Variants in CNTN4 observed in about 807,000 individuals in gnomAD.
CNTN4 encodes contactin 4.
CNTN4 carries 77 observed loss-of-function variants against 122.5 expected under a neutral mutation model. The ratio of observed to expected loss-of-function variants is 0.63; its 90% CI spans 0.52 to 0.76. The LOEUF is 0.76. CNTN4 is among the 30% of genes least tolerant of loss of function. The probability of loss-of-function intolerance (pLI) is 0.00; values close to 1 mark genes in which losing one functional copy is unlikely to be tolerated. For synonymous variants in CNTN4, 512 were observed against 447.0 expected (o/e 1.15, Z -1.83); for missense variants, 1,256 against 1,259.1 (o/e 1.00, Z 0.04).
intron 6 of CNTN4, among the ~76,000 whole-genome samples, chr3:2,787,882 C>A (rs1465795277): frequency 2.0e-5 from 3 of 151,632 alleles, no homozygotes; most frequent in Non-Finnish European, 4.4e-5. Flanking sequence ...CTCTGCCTCC[C>A]AGGTTCAAGT....
intron 2 of CNTN4, among the ~76,000 whole-genome samples, chr3:2,182,765 A>G (rs185152634): frequency 2.0e-5 from 3 of 152,082 alleles, no homozygotes; most frequent in Admixed American, 1.3e-4. Flanking sequence ...AAACTTCCGC[A>G]TAAGTTTGTT....
At chr3:2,533,467 C>T (rs1043225869) in intron 3 of CNTN4, among the ~76,000 whole-genome samples, 1 of 148,444 alleles carries the variant, frequency 6.7e-6, no homozygotes, top group African/African-American at 2.5e-5. Flanking sequence ...ATGAACTCAT[C>T]CTTTTTTATG....
chr3:2,917,208 G>A (rs184327250), intron 12 of CNTN4, among the ~76,000 whole-genome samples: 2,965 of 151,472 alleles, frequency 0.02, 112 homozygotes, highest in African/African-American at 0.067. Context: ...GGCTGAGGCA[G>A]GAGAATCAGG....
intron 2 of CNTN4, among the ~76,000 whole-genome samples, chr3:2,121,868 C>G (rs1006509347): frequency 1.5e-5 from 2 of 135,864 alleles, no homozygotes; most frequent in African/African-American, 5.8e-5. Context: ...TGCCATTGTA[C>G]CCCCTTTGTA....
intron 4 of CNTN4, among the ~76,000 whole-genome samples, chr3:2,602,322 A>T (rs971692924): frequency 6.6e-6 from 1 of 152,204 alleles, no homozygotes; most frequent in African/African-American, 2.4e-5. Context: ...TGCAGATGAC[A>T]TGATTGTATA....
chr3:2,724,359 T>A (rs1472783893), intron 4 of CNTN4, among the ~76,000 whole-genome samples: 3 of 152,198 alleles, frequency 2.0e-5, no homozygotes, highest in African/African-American at 7.2e-5. Context: ...TGTGTTCTCA[T>A]TCCCAACTTC....
intron 3 of CNTN4, among the ~76,000 whole-genome samples, chr3:2,373,072 T>C (rs935126684): frequency 6.6e-6 from 1 of 151,764 alleles, no homozygotes; most frequent in Non-Finnish European, 1.5e-5. Context: ...ATAAGATAAA[T>C]AGATTGACCT....
intron 2 of CNTN4, among the ~76,000 whole-genome samples, chr3:2,284,586 G>A (rs1412687160): frequency 6.6e-6 from 1 of 151,662 alleles, no homozygotes; most frequent in Non-Finnish European, 1.5e-5. Context: ...GGAGCATCAA[G>A]GGAGGAGTTG....
At chr3:2,256,351 C>A (rs1041277029) in intron 2 of CNTN4, among the ~76,000 whole-genome samples, 14 of 152,290 alleles carry the variant, frequency 9.2e-5, no homozygotes, top group African/African-American at 3.1e-4. Context: ...CAGCCGAATT[C>A]TACCAGAGGT....
chr3:2,530,596 C>G (rs928275968), intron 3 of CNTN4, among the ~76,000 whole-genome samples: 3 of 152,142 alleles, frequency 2.0e-5, no homozygotes, highest in African/African-American at 4.8e-5. Context: ...GCGTAAGCCA[C>G]CGCACCTGGC....
At chr3:2,522,653 A>C (rs1027460598) in intron 3 of CNTN4, among the ~76,000 whole-genome samples, 1 of 152,042 alleles carries the variant, frequency 6.6e-6, no homozygotes, top group Admixed American at 6.6e-5. Context: ...CTTCTTAAAC[A>C]TTAGTGTGTG....
At position 2,216,691 on chromosome 3, in the gene CNTN4, T is replaced by C. The variant is rs11927260; in HGVS notation, c.-145+116052T>C. Among the ~76,000 whole-genome samples the C allele has an allele frequency of 6.0e-3, 914 of 152,304 alleles. 4 individuals are homozygous for C. Among genetic ancestry groups the C allele is most frequent in the African/African-American group, 0.021 (890 of 41,566 alleles). On this transcript the variant is annotated intron_variant, in intron 2 of 24. Coordinates refer to ENST00000418658, the MANE Select transcript of CNTN4 (RefSeq NM_175607.3). ...TTCATAGTGTGTGTTACTTTTATAA[T>C]GGAAAATGTCCCAATAAACTATTTT...
intron 2 of CNTN4, among the ~76,000 whole-genome samples, chr3:2,174,945 C>T (rs2036684437): frequency 6.6e-6 from 1 of 152,126 alleles, no homozygotes; most frequent in South Asian, 2.1e-4. Context: ...AGGGATCCTC[C>T]CCCATGATCC....
chr3:2,121,914 C>T (rs1574874483), intron 2 of CNTN4, among the ~76,000 whole-genome samples: 1 of 151,940 alleles, frequency 6.6e-6, no homozygotes, highest in African/African-American at 2.4e-5. Context: ...ACCTGTAATC[C>T]CAGCACTTTG....
At chr3:2,574,066 A>ACG (rs2079548653) in intron 4 of CNTN4, among the ~76,000 whole-genome samples, 1 of 152,096 alleles carries the variant, frequency 6.6e-6, no homozygotes, top group Non-Finnish European at 1.5e-5. Context: ...AAAATGTAAA[A>ACG]TTAGCAAGGC....
chr3:2,405,891 G>T (rs1385882862), intron 3 of CNTN4, among the ~76,000 whole-genome samples: 7 of 151,998 alleles, frequency 4.6e-5, no homozygotes, highest in Admixed American at 3.9e-4. Flanking sequence ...TCTGGGTGTG[G>T]TGGTGCATGC....
At chr3:2,796,417 A>G (rs748728700) in intron 6 of CNTN4, among the ~76,000 whole-genome samples, 1 of 152,128 alleles carries the variant, frequency 6.6e-6, no homozygotes, top group Non-Finnish European at 1.5e-5. Flanking sequence ...CCTAATCTAA[A>G]AATATCACTT....
chr3:2,923,012 A>G (rs1577286523), intron 12 of CNTN4, among the ~76,000 whole-genome samples: 1 of 152,250 alleles, frequency 6.6e-6, no homozygotes, highest in African/African-American at 2.4e-5. Flanking sequence ...TACATTACAA[A>G]TGCTTTTGAA....
chr3:2,181,369 A>C (rs915665955), intron 2 of CNTN4, among the ~76,000 whole-genome samples: 2 of 152,092 alleles, frequency 1.3e-5, no homozygotes, highest in Non-Finnish European at 2.9e-5. Context: ...GTGATGTATA[A>C]GGGGACAGGT....
Sources: allele counts gnomAD v4.1 joint callset (sites outside exome capture counted in the v4.1 genomes callset), GRCh38; gene constraint gnomAD v4.1.1; transcripts MANE v1.5; gene names NCBI Gene and HGNC (gene_info 2026-07-23, HGNC 2026-07-21).